The following MARCHF1 variants were observed in gnomAD, a reference collection of about 807,000 sequenced individuals.
MARCHF1 encodes the protein membrane associated ring-CH-type finger 1.
MARCHF1 carries 40 observed loss-of-function variants against 54.2 expected under a neutral mutation model. That is an observed-to-expected ratio of 0.74 (90% confidence interval 0.57 to 0.96). The LOEUF (loss-of-function observed/expected upper bound fraction) is 0.96. Among genes scored for constraint, MARCHF1 ranks in the 40% least tolerant of loss-of-function variants. MARCHF1 has a pLI of 0.00. For missense variants in MARCHF1, 586 were observed against 656.5 expected (o/e 0.89, Z 1.17); for synonymous variants, 236 against 236.3 (o/e 1.00, Z 0.01).
chr4:163,621,957 T>G (rs1165412316), intron 5 of MARCHF1, among the ~76,000 whole-genome samples: 2 of 152,048 alleles, frequency 1.3e-5, no homozygotes, highest in Non-Finnish European at 2.9e-5. Context: ...GCATGGGCAG[T>G]GCCTAATGTG....
chr4:163,544,096 A>G (rs546674833), intron 9 of MARCHF1, among the ~76,000 whole-genome samples: 3 of 152,084 alleles, frequency 2.0e-5, no homozygotes, highest in Non-Finnish European at 2.9e-5. Context: ...TTGTTTTTCC[A>G]TCCATATGCG....
chr4:163,540,504 A>G (rs886161923), intron 9 of MARCHF1, among the ~76,000 whole-genome samples: 4 of 152,220 alleles, frequency 2.6e-5, no homozygotes, highest in African/African-American at 4.8e-5. Context: ...TCACATATTT[A>G]TAACCTTTTT....
chr4:163,634,582 C>A (rs1742241498), intron 5 of MARCHF1, among the ~76,000 whole-genome samples: 1 of 151,962 alleles, frequency 6.6e-6, no homozygotes, highest in African/African-American at 2.4e-5. Flanking sequence ...TATAGGAGCA[C>A]CAAGATTCAT....
chr4:163,755,822 C>T (rs1746650202), intron 4 of MARCHF1, among the ~76,000 whole-genome samples: 1 of 152,126 alleles, frequency 6.6e-6, no homozygotes, highest in African/African-American at 2.4e-5. Flanking sequence ...GAGAGATCCC[C>T]TGGAACATAT....
chr4:164,314,609 TA>T (rs1272617021), intron 1 of MARCHF1, among the ~76,000 whole-genome samples: 1 of 151,972 alleles, frequency 6.6e-6, no homozygotes, highest in Non-Finnish European at 1.5e-5. Context: ...AAAACCAAAA[TA>T]AAATACTCAG....
chr4:163,591,307 C>T (rs748638327), intron 7 of MARCHF1, among the ~76,000 whole-genome samples: 3 of 151,916 alleles, frequency 2.0e-5, no homozygotes, highest in Non-Finnish European at 4.4e-5. Flanking sequence ...AATAATGCCT[C>T]ATCTAAATTA....
At chr4:164,327,608 C>A (rs1290848842) in intron 1 of MARCHF1, among the ~76,000 whole-genome samples, 1 of 152,100 alleles carries the variant, frequency 6.6e-6, no homozygotes, top group African/African-American at 2.4e-5. Flanking sequence ...TACTCCAAGT[C>A]CAGGTTGGCC....
chr4:163,754,084 A>G (rs1746597941), intron 4 of MARCHF1, among the ~76,000 whole-genome samples: 1 of 152,184 alleles, frequency 6.6e-6, no homozygotes. Context: ...TTGGAAGGTC[A>G]ACATTGTTAT....
At chr4:163,729,052 CTGT>C (rs140320363) in intron 4 of MARCHF1, among the ~76,000 whole-genome samples, 7,166 of 151,960 alleles carry the variant, frequency 0.047, 489 homozygotes, top group East Asian at 0.28. Context: ...TATTTTTAAT[CTGT>C]TGTTGTGGAT....
chr4:164,089,445 AAAAC>A (rs1755255520), intron 2 of MARCHF1, among the ~76,000 whole-genome samples: 1 of 152,146 alleles, frequency 6.6e-6, no homozygotes, highest in Non-Finnish European at 1.5e-5. Context: ...AACAGAAACA[AAAAC>A]AAAGGAACAC....
intron 4 of MARCHF1, among the ~76,000 whole-genome samples, chr4:163,703,862 T>TAA (rs1050843739): frequency 6.6e-6 from 1 of 151,990 alleles, no homozygotes; most frequent in Non-Finnish European, 1.5e-5. Flanking sequence ...TTGATCCTAC[T>TAA]AAACATGGTT....
chr4:164,143,674 G>C (rs529726121), intron 1 of MARCHF1, among the ~76,000 whole-genome samples: 1 of 152,070 alleles, frequency 6.6e-6, no homozygotes, highest in African/African-American at 2.4e-5. Context: ...TGAAAGAAGC[G>C]CTAAACATGG....
At chr4:164,013,840 A>G (rs1292472628) in intron 2 of MARCHF1, among the ~76,000 whole-genome samples, 2 of 152,158 alleles carry the variant, frequency 1.3e-5, no homozygotes, top group Admixed American at 1.3e-4. Context: ...AAGCTGAGGA[A>G]TTTCTCAACA....
intron 1 of MARCHF1, among the ~76,000 whole-genome samples, chr4:164,138,223 T>C (rs1433037758): frequency 2.0e-5 from 3 of 152,108 alleles, no homozygotes; most frequent in Non-Finnish European, 4.4e-5. Context: ...TACCTAGGTT[T>C]TTTTTTTCTT....
chr4:164,219,085 A>G (rs976854099), intron 1 of MARCHF1, among the ~76,000 whole-genome samples: 2 of 152,096 alleles, frequency 1.3e-5, no homozygotes, highest in Non-Finnish European at 2.9e-5. Flanking sequence ...TTGTTTTGCA[A>G]GAGTTGTGCA....
chr4:163,548,672 A>G (rs1738994570), intron 8 of MARCHF1, among the ~76,000 whole-genome samples: 1 of 152,252 alleles, frequency 6.6e-6, no homozygotes, highest in Non-Finnish European at 1.5e-5. Context: ...GTAATGCCAC[A>G]GTGCCCTCTT....
intron 5 of MARCHF1, among the ~76,000 whole-genome samples, chr4:163,632,611 C>G (rs545242691): frequency 1.3e-5 from 2 of 152,176 alleles, no homozygotes; most frequent in Non-Finnish European, 2.9e-5. Context: ...CACGGAGTCT[C>G]GCTGATTGTT....
At chr4:164,068,310 T>C (rs1219279354) in intron 2 of MARCHF1, among the ~76,000 whole-genome samples, 1 of 152,118 alleles carries the variant, frequency 6.6e-6, no homozygotes, top group Non-Finnish European at 1.5e-5. Flanking sequence ...TGAGGAGCCC[T>C]TCAGCCCACC....
chr4:164,288,877 G>A (rs1312716233), intron 1 of MARCHF1, among the ~76,000 whole-genome samples: 2 of 152,060 alleles, frequency 1.3e-5, no homozygotes, highest in East Asian at 1.9e-4. Flanking sequence ...AGGTATATAC[G>A]TTTAGTTTCT....
Sources: gnomAD v4.1 joint callset for allele counts (sites outside exome capture counted in the v4.1 genomes callset) on GRCh38, gnomAD v4.1.1 for gene constraint, MANE v1.5 for transcripts, NCBI Gene and HGNC (gene_info 2026-07-23, HGNC 2026-07-21) for gene names.